The following BICD1 variants were observed in gnomAD, a reference collection of about 807,000 sequenced individuals.
BICD1 encodes the protein protein bicaudal D homolog 1.
BICD1 carries 35 observed loss-of-function variants against 92.5 expected under a neutral mutation model. The observed-to-expected ratio is 0.38, with a 90% CI of 0.29 to 0.50. The LOEUF (loss-of-function observed/expected upper bound fraction) is 0.50. Ranked by LOEUF, BICD1 falls within the 20% of genes least tolerant of loss-of-function variation. The pLI is 0.93. For synonymous variants in BICD1, 429 were observed against 465.1 expected (o/e 0.92, Z 1.00); for missense variants, 950 against 1,189.8 (o/e 0.80, Z 2.97).
At chr12:32,228,242 T>G (rs1342204223) in intron 2 of BICD1, 1 of 152,682 alleles carries the variant, frequency 6.5e-6, no homozygotes, top group African/African-American at 2.4e-5. Context: ...TGAGGTTCCT[T>G]TTTTTGGCAT....
At chr12:32,150,754 G>A (rs571298589) in intron 1 of BICD1, among the ~76,000 whole-genome samples, 2 of 152,082 alleles carry the variant, frequency 1.3e-5, no homozygotes, top group South Asian at 2.1e-4. Context: ...AGTCCATGTC[G>A]GTGAGTGTAT....
intron 1 of BICD1, among the ~76,000 whole-genome samples, chr12:32,187,663 C>T (rs1467262943): frequency 2.0e-5 from 3 of 151,836 alleles, no homozygotes; most frequent in Non-Finnish European, 4.4e-5. Context: ...CAGAGCGAGA[C>T]TCCATATCAA....
chr12:32,305,714 A>G lies in BICD1; in HGVS notation c.597A>G (p.Leu199=). 1 of 1,612,064 alleles carries G rather than the reference A, an allele frequency of 6.2e-7. No homozygotes were observed. The highest frequency in any genetic ancestry group is 8.5e-7 in the Non-Finnish European group (1 of 1,179,278). The change falls in exon 4 of 10, where the codon TTA becomes TTG. Residue 199 remains leucine (L), a synonymous_variant. Transcript: ENST00000652176. ...TGATTCAGGTTGAATACGAAGGCTT[A>G]AAGCATGAGATTAAGCGATTTGAGG... ...LKQNQVEYEG[L]KHEIKRFEEE... is the part of the protein sequence containing the mutation.
At chr12:32,121,285 ACC>A (rs1243234697) in intron 1 of BICD1, among the ~76,000 whole-genome samples, 1 of 133,156 alleles carries the variant, frequency 7.5e-6, no homozygotes, top group Non-Finnish European at 1.6e-5. Flanking sequence ...AAAAATTCAT[ACC>A]AGATCTTAAT....
At chr12:32,324,368 A>C (rs1010667461) in intron 4 of BICD1, among the ~76,000 whole-genome samples, 2 of 151,796 alleles carry the variant, frequency 1.3e-5, no homozygotes, top group Non-Finnish European at 1.5e-5. Context: ...AAAAAACAAA[A>C]AAAAAAACTT....
At position 32,316,578 on chromosome 12, in the gene BICD1, G is replaced by A. The variant is rs142771116; in HGVS notation, c.1005+10456G>A. Among the ~76,000 whole-genome samples, 827 of 152,174 alleles carry A rather than the reference G, an allele frequency of 5.4e-3. 4 individuals are homozygous for A. Among genetic ancestry groups the A allele is most frequent in the African/African-American group, 0.019 (772 of 41,524 alleles). On this transcript the variant is annotated intron_variant, in intron 4 of 9. Transcript: ENST00000652176. Reference sequence around the variant, plus strand: ...AGCCTCCCAAAGTGCTGGAATTACAGGCATGAGCCAATGCGCCTGGCCATA... The same window carrying A: ...AGCCTCCCAAAGTGCTGGAATTACAAGCATGAGCCAATGCGCCTGGCCATA...
At chr12:32,150,825 T>C (rs936067025) in intron 1 of BICD1, among the ~76,000 whole-genome samples, 1 of 152,120 alleles carries the variant, frequency 6.6e-6, no homozygotes, top group African/African-American at 2.4e-5. Flanking sequence ...TTCAAAGATA[T>C]TGCAGAGACA....
At chr12:32,301,186 T>C (rs1284662770) in intron 3 of BICD1, among the ~76,000 whole-genome samples, 3 of 152,168 alleles carry the variant, frequency 2.0e-5, no homozygotes, top group Admixed American at 1.3e-4. Context: ...CCTCCACACT[T>C]CATCCTCAGT....
chr12:32,185,824 C>A (rs1944410271), intron 1 of BICD1, among the ~76,000 whole-genome samples: 1 of 152,146 alleles, frequency 6.6e-6, no homozygotes, highest in South Asian at 2.1e-4. Context: ...AGATGATGGC[C>A]CACTTCAGTA....
intron 2 of BICD1, among the ~76,000 whole-genome samples, chr12:32,233,322 T>TTAA (rs35803631): frequency 3.1e-5 from 4 of 127,078 alleles, no homozygotes; most frequent in Admixed American, 1.7e-4. Context: ...AGTCTGTCTT[T>TTAA]AAAAAAAAAA....
intron 1 of BICD1, among the ~76,000 whole-genome samples, chr12:32,172,209 G>T (rs1302679497): frequency 6.6e-6 from 1 of 152,172 alleles, no homozygotes; most frequent in Non-Finnish European, 1.5e-5. Context: ...AAGGATATAG[G>T]TTGTGGTTAA....
chr12:32,221,919 A>C (rs1945544202), intron 2 of BICD1, among the ~76,000 whole-genome samples: 1 of 152,198 alleles, frequency 6.6e-6, no homozygotes, highest in African/African-American at 2.4e-5. Context: ...TTTAGTAAAC[A>C]AGTTTGAATT....
At chr12:32,175,660 G>A (rs768251826) in intron 1 of BICD1, among the ~76,000 whole-genome samples, 1 of 152,120 alleles carries the variant, frequency 6.6e-6, no homozygotes, top group South Asian at 2.1e-4. Flanking sequence ...TTCCAAATAC[G>A]TTGGGAAGGT....
In BICD1 at chr12:32,166,138, A is replaced by ATTTATTTATTTTTTT. The variant is rs1555140608; in HGVS notation, c.214-50095_214-50094insTTTTATTTATTTTTT. Among the ~76,000 whole-genome samples, 8 of 144,048 alleles carry ATTTATTTATTTTTTT rather than the reference A, an allele frequency of 5.6e-5. No individual in the cohort carries two copies. The South Asian group carries it at 9.1e-4, about 16-fold the overall frequency. The allele number at this position is 144,048 out of a possible 152,430, so 94.5% of individuals were successfully genotyped here. A position where few individuals can be genotyped will look rare whatever the true frequency, so the allele number is the denominator to read the frequency against. ...TATTTATTTATTTATTTATTTATTT[A>ATTTATTTATTTTTTT]TTTATTTATTTTTTGGAGCCAGCGT... On this transcript the variant is annotated intron_variant, in intron 1 of 9. Transcript: ENST00000652176.
chr12:32,276,399 G>T (rs909027631), intron 2 of BICD1, among the ~76,000 whole-genome samples: 1 of 152,186 alleles, frequency 6.6e-6, no homozygotes, highest in African/African-American at 2.4e-5. Flanking sequence ...GAATCCCTAA[G>T]CCTAGCTGGG....
At chr12:32,217,650 C>T (rs1023341933) in intron 2 of BICD1, among the ~76,000 whole-genome samples, 2 of 152,148 alleles carry the variant, frequency 1.3e-5, no homozygotes, top group Admixed American at 6.5e-5. Flanking sequence ...GAAGATGAGA[C>T]AGTTTTCAGG....
chr12:32,164,950 A>G (rs1319742586), intron 1 of BICD1, among the ~76,000 whole-genome samples: 1 of 152,180 alleles, frequency 6.6e-6, no homozygotes, highest in African/African-American at 2.4e-5. Context: ...GAAGTGGCTC[A>G]TCTGGGGTCA....
At chr12:32,147,462 T>A (rs1327804218) in intron 1 of BICD1, among the ~76,000 whole-genome samples, 1 of 150,964 alleles carries the variant, frequency 6.6e-6, no homozygotes, top group Non-Finnish European at 1.5e-5. Flanking sequence ...TATATTTCCT[T>A]CTTCTTGTTA....
At position 32,128,912 on chromosome 12, in the gene BICD1, A is replaced by G. The variant is rs1406186385; in HGVS notation, c.213+21368A>G. Among the ~76,000 whole-genome samples, 4 of 151,942 alleles carry G rather than the reference A, an allele frequency of 2.6e-5. No homozygotes were observed. In the East Asian group the frequency reaches 7.8e-4, roughly 30 times the overall value. On this transcript the variant is annotated intron_variant, in intron 1 of 9. Transcript: ENST00000652176. ...ATCAGCCATACAAGTAGCCGGGACTACAGGCATGCACCACCATGTCCAACT... is the reference window on the plus strand; with the variant it reads ...ATCAGCCATACAAGTAGCCGGGACTGCAGGCATGCACCACCATGTCCAACT...
Sources: gnomAD v4.1 joint callset for allele counts (sites outside exome capture counted in the v4.1 genomes callset) on GRCh38, gnomAD v4.1.1 for gene constraint, MANE v1.5 for transcripts, NCBI Gene and HGNC (gene_info 2026-07-23, HGNC 2026-07-21) for gene names.